Variants in EGFR observed in about 807,000 individuals in gnomAD.
EGFR encodes the protein avian erythroblastic leukemia viral (v-erb-b) oncogene homolog.
A neutral mutation model predicts 143.0 loss-of-function variants in EGFR; 58 were observed. The observed-to-expected ratio is 0.41, with a 90% CI of 0.33 to 0.50. EGFR has a LOEUF of 0.50. Ranked by LOEUF, EGFR falls within the 20% of genes least tolerant of loss-of-function variation. The pLI is 0.39. For synonymous variants in EGFR, 613 were observed against 594.4 expected, an observed-to-expected ratio of 1.03 and a Z score of -0.45; for missense variants, 1,307 against 1,579.0, an observed-to-expected ratio of 0.83 and a Z score of 2.92.
At position 55,055,126 on chromosome 7, in the gene EGFR, G is replaced by A. The variant is rs555142119; in HGVS notation, c.88+35761G>A. 2.4e-4 allele frequency among the ~76,000 whole-genome samples: 37 copies of A among 152,220 alleles called. 1 individual carries two copies. The highest frequency in any genetic ancestry group is 1.7e-3 in the South Asian group (8 of 4,822). ...CATAATAACTGACATGGGTCGGCCC[G>A]TACCAGCCCCTGTGAGAAGGGCTTT... On this transcript the variant is annotated intron_variant, in intron 1 of 27. Coordinates refer to ENST00000275493, the MANE Select transcript of EGFR (RefSeq NM_005228.5).
chr7:55,153,878 C>T, intron 6 of EGFR, 133 bp from the exon 7 acceptor site: 1 of 1,396,124 alleles, frequency 7.2e-7, no homozygotes, highest in African/African-American at 1.4e-5. Flanking sequence ...TTTTCCCACA[C>T]TAGTGGAACA....
chr7:55,097,516 C>T (rs1457493714), intron 1 of EGFR, among the ~76,000 whole-genome samples: 1 of 152,242 alleles, frequency 6.6e-6, no homozygotes, highest in East Asian at 1.9e-4. Context: ...ACTGAAGCCC[C>T]TTCCAAGGCC....
In EGFR at chr7:55,198,710, C is replaced by G. The variant is rs1196184317; in HGVS notation, c.2702-7C>G. ...CACTGCCTTCTTTTCTTGCTTCATCCTCTCAGGGGTGACTGTTTGGGAGTT... is the reference window on the plus strand; with the variant it reads ...CACTGCCTTCTTTTCTTGCTTCATCGTCTCAGGGGTGACTGTTTGGGAGTT... On this transcript the variant is annotated splice_region_variant and splice_polypyrimidine_tract_variant and intron_variant, in intron 22 of 27. Transcript: ENST00000275493. The G allele has an allele frequency of 6.2e-7, 1 of 1,614,212 alleles. No homozygotes were observed. Among genetic ancestry groups the G allele is most frequent in the Non-Finnish European group, 8.5e-7 (1 of 1,180,030 alleles).
chr7:55,134,204 C>A (rs189365155), intron 1 of EGFR, among the ~76,000 whole-genome samples: 115 of 152,066 alleles, frequency 7.6e-4, no homozygotes, highest in Non-Finnish European at 1.2e-3. Flanking sequence ...CCCACCCCAG[C>A]CACATGCAGG....
At chr7:55,082,307 C>T (rs1790508266) in intron 1 of EGFR, among the ~76,000 whole-genome samples, 1 of 152,218 alleles carries the variant, frequency 6.6e-6, no homozygotes, top group African/African-American at 2.4e-5. Context: ...CACAATCCTA[C>T]ATGCCCCTCC....
At chr7:55,096,857 T>C (rs1202750279) in intron 1 of EGFR, among the ~76,000 whole-genome samples, 1 of 152,110 alleles carries the variant, frequency 6.6e-6, no homozygotes, top group Admixed American at 6.5e-5. Flanking sequence ...CCTGGAGTCA[T>C]GGGAGGTGCA....
intron 27 of EGFR, among the ~76,000 whole-genome samples, chr7:55,204,476 ACCACACACACACCACAAAAACC>A (rs1356962157): frequency 1.3e-5 from 2 of 148,732 alleles, no homozygotes; most frequent in Admixed American, 1.3e-4. Flanking sequence ...AAATACACAC[ACCACACACACACCACAAAAACC>A]CCACACACAC....
chr7:55,170,268 C>A, intron 15 of EGFR: 1 of 1,613,840 alleles, frequency 6.2e-7, no homozygotes, highest in African/African-American at 1.3e-5. Flanking sequence ...CTCCCCAGGC[C>A]TCTCACATAT....
intron 20 of EGFR, among the ~76,000 whole-genome samples, chr7:55,191,510 T>C (rs1426516000): frequency 6.6e-6 from 1 of 152,174 alleles, no homozygotes; most frequent in Non-Finnish European, 1.5e-5. Context: ...CTTGAGGAAC[T>C]GGATGGAGAA....
intron 3 of EGFR, among the ~76,000 whole-genome samples, chr7:55,145,739 T>C (rs1329093419): frequency 2.6e-5 from 4 of 152,210 alleles, no homozygotes; most frequent in African/African-American, 9.7e-5. Flanking sequence ...TGAGAATGAA[T>C]GAAGATAGTG....
chr7:55,100,964 G>A (rs1269538469), intron 1 of EGFR, among the ~76,000 whole-genome samples: 1 of 152,268 alleles, frequency 6.6e-6, no homozygotes, highest in Non-Finnish European at 1.5e-5. Flanking sequence ...CGGCGTCCCT[G>A]CCTCACCTTT....
chr7:55,098,235 A>G (rs965987538), intron 1 of EGFR, among the ~76,000 whole-genome samples: 2 of 152,154 alleles, frequency 1.3e-5, no homozygotes, highest in Non-Finnish European at 2.9e-5. Flanking sequence ...ATTTTTTCAA[A>G]ACCTAAATAG....
intron 1 of EGFR, among the ~76,000 whole-genome samples, chr7:55,083,678 T>A (rs1790598685): frequency 6.6e-6 from 1 of 152,242 alleles, no homozygotes; most frequent in African/African-American, 2.4e-5. Flanking sequence ...AAAGCGAATC[T>A]TTTTCTTCCT....
rs549202578 is a variant in EGFR at position 55,098,069 on chromosome 7, A to G, written c.89-44217A>G. Among the ~76,000 whole-genome samples, 16 of 152,326 alleles carry G rather than the reference A, an allele frequency of 1.1e-4. No homozygotes were observed. The South Asian group carries it at 3.3e-3, about 32-fold the overall frequency. On this transcript the variant is annotated intron_variant, in intron 1 of 27. Transcript: ENST00000275493. ...ACTACTGCTAACATAAATAAAATCCATATTTCCTCTCATACAGACCCCAGA... is the reference window on the plus strand; with the variant it reads ...ACTACTGCTAACATAAATAAAATCCGTATTTCCTCTCATACAGACCCCAGA...
intron 1 of EGFR, among the ~76,000 whole-genome samples, chr7:55,061,689 T>C (rs971227923): frequency 6.6e-6 from 1 of 151,810 alleles, no homozygotes; most frequent in Admixed American, 6.6e-5. Flanking sequence ...AACATATATC[T>C]CTGTGAAACT....
chr7:55,149,000 A>C (rs2128930986), intron 4 of EGFR, among the ~76,000 whole-genome samples: 1 of 152,346 alleles, frequency 6.6e-6, no homozygotes, highest in African/African-American at 2.4e-5. Context: ...TTTACTTCAG[A>C]GAAAATTAAA....
chr7:55,064,821 A>G (rs1789403535), intron 1 of EGFR, among the ~76,000 whole-genome samples: 1 of 152,226 alleles, frequency 6.6e-6, no homozygotes, highest in African/African-American at 2.4e-5. Context: ...TCAGGGAATA[A>G]AAGAATGGTA....
At chr7:55,040,193 G>T (rs1787819927) in intron 1 of EGFR, among the ~76,000 whole-genome samples, 1 of 152,292 alleles carries the variant, frequency 6.6e-6, no homozygotes, top group South Asian at 2.1e-4. Context: ...CTCTGTGGAG[G>T]TCAGAAGGAG....
rs550855896 is a variant in EGFR at position 55,093,922 on chromosome 7, C to A, written c.89-48364C>A. 9.2e-5 allele frequency among the ~76,000 whole-genome samples: 14 copies of A among 152,242 alleles called. No individual in the cohort carries two copies. The South Asian group carries it at 2.9e-3, about 32-fold the overall frequency. On this transcript the variant is annotated intron_variant, in intron 1 of 27. Coordinates refer to ENST00000275493, the MANE Select transcript of EGFR (RefSeq NM_005228.5). ...AGCTCAGGGAGTGCAGAGGTGCCAG[C>A]AGACACTATGAAATTGGCCTCGTAA... is the stretch of plus-strand genomic sequence containing the variant.
Sources: allele counts gnomAD v4.1 joint callset (sites outside exome capture counted in the v4.1 genomes callset), GRCh38; gene constraint gnomAD v4.1.1; transcripts MANE v1.5; gene names NCBI Gene and HGNC (gene_info 2026-07-23, HGNC 2026-07-21).